The following ADAM8 variants were observed in gnomAD, a reference collection of about 807,000 sequenced individuals.
The protein encoded by ADAM8 is ADAM metallopeptidase domain 8, also known as disintegrin and metalloproteinase domain-containing protein 8.
ADAM8 carries 104 observed loss-of-function variants against 102.4 expected under a neutral mutation model. The observed-to-expected ratio is 1.02, with a 90% CI of 0.87 to 1.20. The LOEUF (loss-of-function observed/expected upper bound fraction) is 1.20. Ranked by LOEUF, ADAM8 falls within the 50% of genes most tolerant of loss-of-function variation. ADAM8 has a pLI of 0.00. For synonymous variants in ADAM8, 517 were observed against 485.2 expected (o/e 1.07, Z -0.86); for missense variants, 1,132 against 1,159.0 (o/e 0.98, Z 0.34).
intron 5 of ADAM8, 63 bp from the exon 6 acceptor site, chr10:133,273,506 A>G (rs1184460701): frequency 6.8e-7 from 1 of 1,465,980 alleles, no homozygotes; most frequent in African/African-American, 1.4e-5. Flanking sequence ...GCCCCGAAGG[A>G]CCAGAGGCTC....
rs761575884 is a variant in ADAM8, at chr10:133,271,407, G to A, written c.1285-118C>T. 3.1e-5 allele frequency: 46 copies of A among 1,469,938 alleles called. No individual in the cohort carries two copies. The East Asian group carries it at 4.2e-4, about 13-fold the overall frequency. 91.1% of individuals were successfully genotyped at this position (1,469,938 alleles called of 1,614,324 possible). A position where few individuals can be genotyped will look rare whatever the true frequency, so the allele number is the denominator to read the frequency against. On this transcript the variant is annotated intron_variant, in intron 12 of 22. Transcript: ENST00000445355. ...CTGCAGCCACTCCCTCCCTGTGACC[G>A]CTCTGGACACCCACAGAGCCCCAAG...
In ADAM8 at chr10:133,270,458, G is replaced by T. The variant is rs779346703; in HGVS notation, c.1687C>A (p.Arg563Ser). The part of the protein sequence containing the change: ...QCKGGQQPLG[R>S]AICIVDVCHA... ...CACACATCCACGATGCAGATGGCAC[G>T]CCCCAGGGGCTGCTGCCCACCCTTG... The change falls in exon 16 of 23, where the codon CGT becomes AGT. Residue 563 changes from arginine to serine, a missense_variant. By Grantham distance (110) the Arg-to-Ser change is moderately radical (BLOSUM62 -1). Transcript: ENST00000445355. 5 of 1,604,798 alleles carry T rather than the reference G, an allele frequency of 3.1e-6. 1 individual carries two copies. Among genetic ancestry groups the T allele is most frequent in the Middle Eastern group, 3.4e-4 (2 of 5,846 alleles).
Position 133,271,023 on chromosome 10 carries a change from G to A in ADAM8, c.1422C>T (p.Asp474=), listed in dbSNP as rs1435678028. Residue 474 remains aspartate, a synonymous_variant, in exon 14 of 23, where the codon GAC becomes GAT. Transcript: ENST00000445355. ...ELCRPKKDMC[D]LEEFCDGRHP... is the part of the protein sequence containing the mutation. The stretch of plus-strand genomic sequence containing the variant: ...GCCGGCCGTCACAGAACTCCTCGAG[G>A]TCACACATGTCCTTCTTGGGACGGC... The A allele has an allele frequency of 6.2e-7, 1 of 1,612,788 alleles. No homozygotes were observed.
At position 133,276,864 on chromosome 10, in the gene ADAM8, G is replaced by GACCC. The variant is rs1846777988; in HGVS notation, c.-48_-47insGGGT. 1 of 1,500,148 alleles carries GACCC rather than the reference G, an allele frequency of 6.7e-7. No homozygotes were observed. The highest frequency in any genetic ancestry group is 1.5e-5 in the African/African-American group (1 of 68,820). 92.9% of individuals were successfully genotyped at this position (1,500,148 alleles called of 1,614,324 possible). A position where few individuals can be genotyped will look rare whatever the true frequency, so the allele number is the denominator to read the frequency against. ...CGGAGGTGACAGCCCCGCGGGACAC[G>GACCC]GTCTGGTTCCTGCGCTCCTGGCCCG... On this transcript the variant is annotated 5_prime_UTR_variant, in exon 1 of 23. Transcript: ENST00000445355.
intron 17 of ADAM8, 132 bp downstream of exon 17, chr10:133,269,765 A>G: frequency 8.9e-7 from 1 of 1,121,308 alleles, no homozygotes. Flanking sequence ...GGGGCTCCAC[A>G]GAGACCCCCA....
intron 21 of ADAM8, among the ~76,000 whole-genome samples, chr10:133,267,149 C>G (rs1846349140): frequency 6.6e-6 from 1 of 152,170 alleles, no homozygotes; most frequent in Non-Finnish European, 1.5e-5. Context: ...CAACGCAGGG[C>G]AGGACTGAGC....
chr10:133,270,607 G>T, intron 15 of ADAM8, 97 bp from the exon 16 acceptor site: 1 of 1,540,102 alleles, frequency 6.5e-7, no homozygotes, highest in Non-Finnish European at 8.8e-7. Flanking sequence ...AACACGGTGC[G>T]CTTGAGCCTG....
At chr10:133,276,255 C>A (rs1319697095) in intron 1 of ADAM8, among the ~76,000 whole-genome samples, 1 of 152,192 alleles carries the variant, frequency 6.6e-6, no homozygotes, top group African/African-American at 2.4e-5. Flanking sequence ...CGGCCTCCAG[C>A]CTGAAGCTCC....
At position 133,271,619 on chromosome 10, in the gene ADAM8, T is replaced by C. The variant is rs373992048; in HGVS notation, c.1193A>G (p.Asn398Ser). The change falls in exon 12 of 23, where the codon AAC becomes AGC. Residue 398 changes from asparagine to serine, a missense_variant. By Grantham distance (46) the Asn-to-Ser change is conservative (BLOSUM62 1). Coordinates refer to ENST00000445355, the MANE Select transcript of ADAM8 (RefSeq NM_001109.5). ...CACCAGGTGGCTGAGGTCAGGGGCG[T>C]TGGCGAGGCACACCGACTGCGGCCG... Reference protein sequence around the residue: ...LERPQSVCLANAPDLSHLVGG... With the variant: ...LERPQSVCLASAPDLSHLVGG... 3 of 1,556,132 alleles carry C rather than the reference T, an allele frequency of 1.9e-6. No individual in the cohort carries two copies. Among genetic ancestry groups the C allele is most frequent in the South Asian group, 2.4e-5 (2 of 84,786 alleles).
At chr10:133,263,312 G>A (rs1017020385) in intron 22 of ADAM8, 79 bp from the exon 23 acceptor site, 39 of 1,335,206 alleles carry the variant, frequency 2.9e-5, no homozygotes, top group Admixed American at 8.2e-5. Flanking sequence ...GAAATTTTAC[G>A]TCCTTTAACA....
At chr10:133,274,381 C>A (rs1456362723) in intron 2 of ADAM8, 146 bp from the exon 3 acceptor site, 5 of 413,714 alleles carry the variant, frequency 1.2e-5, no homozygotes, top group African/African-American at 1.1e-4. Context: ...GGTCCACAGC[C>A]TCAGGCAGGG....
In ADAM8 at chr10:133,270,370, C is replaced by T. The variant is rs904352031; in HGVS notation, c.1775G>A (p.Gly592Glu). ...YEPVPEGTRC[G>E]PEKVCWKGRC... ...GAGCCAGGGGCTCACCTTCTCTGGT[C>T]CACACCGGGTGCCCTCGGGCACTGG... The change falls in exon 16 of 23, where the codon GGA becomes GAA. Residue 592 changes from glycine (G) to glutamate (E), a missense_variant. Coordinates refer to ENST00000445355, the MANE Select transcript of ADAM8 (RefSeq NM_001109.5). The T allele has an allele frequency of 2.5e-6, 4 of 1,586,930 alleles. No individual in the cohort carries two copies. Among genetic ancestry groups the T allele is most frequent in the Non-Finnish European group, 2.6e-6 (3 of 1,159,950 alleles).
At chr10:133,271,377 G>T in intron 12 of ADAM8, 88 bp from the exon 13 acceptor site, 1 of 1,503,724 alleles carries the variant, frequency 6.7e-7, no homozygotes, top group Non-Finnish European at 9.0e-7. Flanking sequence ...GACCACTGGG[G>T]TGCCCTGCAG....
chr10:133,272,234 C>T lies in ADAM8; in HGVS notation c.916G>A (p.Val306Met). Residue 306 changes from valine (V) to methionine (M), a missense_variant, in exon 10 of 23, where the codon GTG (valine) becomes ATG (methionine). Transcript: ENST00000445355. ...FTGTTVGFARVSAMCSHSSGA... is the reference protein window; with the variant it reads ...FTGTTVGFARMSAMCSHSSGA... The stretch of plus-strand genomic sequence containing the variant: ...GAGCTGTGGGAGCACATGGCGGACA[C>T]CCTGGCAAACCCCACGGTAGTCCCG... The T allele has an allele frequency of 6.5e-7, 1 of 1,548,312 alleles. No homozygotes were observed. Among genetic ancestry groups the T allele is most frequent in the Non-Finnish European group, 8.7e-7 (1 of 1,145,728 alleles).
In ADAM8 at chr10:133,264,745, G is replaced by A. The variant is rs185966939; in HGVS notation, c.2320-980C>T. 1.3e-3 allele frequency among the ~76,000 whole-genome samples: 185 copies of A among 147,820 alleles called. 2 individuals carry two copies. The highest frequency in any genetic ancestry group is 4.6e-3 in the African/African-American group (181 of 39,522). ...CAGCCTCTGCCCCATCTACCTCCACGCCCGGCTCTTGCTGCAGCCTCTGCC... is the reference window on the plus strand; with the variant it reads ...CAGCCTCTGCCCCATCTACCTCCACACCCGGCTCTTGCTGCAGCCTCTGCC... On this transcript the variant is annotated intron_variant, in intron 21 of 22. Transcript: ENST00000445355.
rs779175068 is a variant in ADAM8 at position 133,271,726 on chromosome 10, T to C, written c.1107-21A>G. 7.3e-6 allele frequency: 11 copies of C among 1,498,150 alleles called. No homozygotes were observed. The Admixed American group carries it at 1.6e-4, about 22-fold the overall frequency. 92.8% of individuals were successfully genotyped at this position (1,498,150 alleles called of 1,614,324 possible). ...TGGAGCTGGGGAGGCGGGGCAGCATTGGGGGAGGCGGCCTGGCCCCTTCCC... is the reference window on the plus strand; with the variant it reads ...TGGAGCTGGGGAGGCGGGGCAGCATCGGGGGAGGCGGCCTGGCCCCTTCCC... On this transcript the variant is annotated intron_variant, in intron 11 of 22. Transcript: ENST00000445355.
intron 6 of ADAM8, 57 bp from the exon 7 acceptor site, chr10:133,273,076 C>T: frequency 1.9e-6 from 3 of 1,609,770 alleles, no homozygotes; most frequent in Non-Finnish European, 2.5e-6. Flanking sequence ...CCTGGACCCT[C>T]CCTCAGGGAC....
chr10:133,267,972 C>CG lies in ADAM8; in HGVS notation c.2209dup (p.Arg737ProfsTer63). 2.4e-6 allele frequency: 3 copies of CG among 1,261,150 alleles called. No individual in the cohort carries two copies. The highest frequency in any genetic ancestry group is 3.0e-6 in the Non-Finnish European group (3 of 996,522). The allele number at this position is 1,261,150 out of a possible 1,614,324, so 78.1% of individuals were successfully genotyped here. ...CAGAGCCACCGAGGAGGCCGGGTGT[C>CG]GGGCGGGCTGGCCCGGGTGGGTGGT... On this transcript the variant is annotated frameshift_variant, in exon 20 of 23. Coordinates refer to ENST00000445355, the MANE Select transcript of ADAM8 (RefSeq NM_001109.5). LOFTEE classifies it high-confidence loss of function.
chr10:133,275,366 T>G (rs1824615802), intron 2 of ADAM8, 118 bp downstream of exon 2: 1 of 751,952 alleles, frequency 1.3e-6, no homozygotes, highest in South Asian at 1.7e-5. Context: ...GCTAGAGCTG[T>G]ACAGGGCAGC....
Sources: allele counts gnomAD v4.1 joint callset (sites outside exome capture counted in the v4.1 genomes callset), GRCh38; gene constraint gnomAD v4.1.1; transcripts MANE v1.5; gene names NCBI Gene and HGNC (gene_info 2026-07-23, HGNC 2026-07-21).